The following DOK6 variants were observed in gnomAD, a reference collection of about 807,000 sequenced individuals.
The protein encoded by DOK6 is downstream of tyrosine kinase 6.
Under a neutral mutation model 44.0 loss-of-function variants are expected in DOK6, and 22 were observed. That is an observed-to-expected ratio of 0.50 (90% CI 0.36 to 0.71). The LOEUF (loss-of-function observed/expected upper bound fraction) is 0.71. DOK6 is among the 30% of genes least tolerant of loss of function. DOK6 has a pLI of 0.00. For missense variants in DOK6, 340 were observed against 416.4 expected (o/e 0.82, Z 1.60); for synonymous variants, 166 against 145.5 (o/e 1.14, Z -1.01).
intron 2 of DOK6, among the ~76,000 whole-genome samples, chr18:69,587,495 A>G (rs1323014815): frequency 6.6e-6 from 1 of 152,122 alleles, no homozygotes; most frequent in Non-Finnish European, 1.5e-5. Context: ...TTACATCTAC[A>G]AAGACCCCTT....
intron 1 of DOK6, among the ~76,000 whole-genome samples, chr18:69,417,940 T>C (rs1978383956): frequency 6.6e-6 from 1 of 152,196 alleles, no homozygotes; most frequent in African/African-American, 2.4e-5. Flanking sequence ...GGGTTATTTA[T>C]GTATCCCGTT....
intron 4 of DOK6, among the ~76,000 whole-genome samples, chr18:69,690,304 T>A (rs191503429): frequency 4.6e-5 from 7 of 152,154 alleles, no homozygotes; most frequent in African/African-American, 1.7e-4. Flanking sequence ...TATTTACACA[T>A]AATAATAAAA....
chr18:69,793,518 G>A (rs2145099424), intron 7 of DOK6, among the ~76,000 whole-genome samples: 1 of 152,228 alleles, frequency 6.6e-6, no homozygotes, highest in Non-Finnish European at 1.5e-5. Flanking sequence ...TGTAATTATG[G>A]TTGCATTGAC....
intron 1 of DOK6, among the ~76,000 whole-genome samples, chr18:69,439,233 T>G (rs1979070758): frequency 6.6e-6 from 1 of 152,198 alleles, no homozygotes; most frequent in South Asian, 2.1e-4. Flanking sequence ...TGTAAACAGA[T>G]ATGCTGTCAT....
Position 69,847,773 on chromosome 18 carries a change from A to ATATATATAT in DOK6, c.*6390_*6391insTATATATAT, listed in dbSNP as rs55849071. 5 of 150,630 alleles carry ATATATATAT rather than the reference A, an allele frequency of 3.3e-5. No homozygotes were observed. In the East Asian group the frequency reaches 7.8e-4, roughly 23 times the overall value. The allele number at this position is 150,630 out of a possible 1,614,324, so 9.3% of individuals were successfully genotyped here. A position where few individuals can be genotyped will look rare whatever the true frequency, so the allele number is the denominator to read the frequency against. On this transcript the variant is annotated 3_prime_UTR_variant, in exon 8 of 8. Coordinates refer to ENST00000382713, the MANE Select transcript of DOK6 (RefSeq NM_152721.6). ...AATGCTTACTCTTGTAAAAAAAAAA[A>ATATATATAT]ATATATATATATGTATCAGCAGGTA...
intron 7 of DOK6, among the ~76,000 whole-genome samples, chr18:69,822,079 T>A (rs1428886661): frequency 2.0e-5 from 3 of 152,166 alleles, no homozygotes; most frequent in Non-Finnish European, 4.4e-5. Context: ...AACTATCCAG[T>A]TGGTCACTAT....
chr18:69,466,786 G>A (rs964474873), intron 1 of DOK6, among the ~76,000 whole-genome samples: 2 of 151,754 alleles, frequency 1.3e-5, no homozygotes, highest in African/African-American at 4.8e-5. Flanking sequence ...TAAGAGGGAG[G>A]GAAAGAGGGA....
chr18:69,478,235 T>C (rs1250444825), intron 1 of DOK6, among the ~76,000 whole-genome samples: 3 of 152,180 alleles, frequency 2.0e-5, no homozygotes, highest in African/African-American at 7.2e-5. Context: ...ATGCATAGTT[T>C]AAAAATCAGA....
At chr18:69,425,585 C>T (rs1466880995) in intron 1 of DOK6, among the ~76,000 whole-genome samples, 1 of 151,814 alleles carries the variant, frequency 6.6e-6, no homozygotes, top group Non-Finnish European at 1.5e-5. Flanking sequence ...ATATTTTATT[C>T]ATTGCATCAT....
At chr18:69,440,909 G>A (rs1438468567) in intron 1 of DOK6, among the ~76,000 whole-genome samples, 1 of 152,128 alleles carries the variant, frequency 6.6e-6, no homozygotes, top group Non-Finnish European at 1.5e-5. Flanking sequence ...TACTGAGTGA[G>A]TAGGTAGTGA....
At chr18:69,444,602 TAA>T (rs1979227367) in intron 1 of DOK6, among the ~76,000 whole-genome samples, 2 of 151,428 alleles carry the variant, frequency 1.3e-5, no homozygotes, top group Non-Finnish European at 2.9e-5. Context: ...TTAATTTATA[TAA>T]GTTATTATTG....
At chr18:69,757,303 C>T (rs1433405322) in intron 6 of DOK6, among the ~76,000 whole-genome samples, 1 of 152,224 alleles carries the variant, frequency 6.6e-6, no homozygotes, top group Non-Finnish European at 1.5e-5. Context: ...AAAATAATAA[C>T]GGGTATTCTG....
chr18:69,454,840 A>G (rs1486563783), intron 1 of DOK6, among the ~76,000 whole-genome samples: 4 of 144,664 alleles, frequency 2.8e-5, no homozygotes, highest in Non-Finnish European at 6.0e-5. Context: ...ATTCTCACTC[A>G]TAGGTGGGAA....
chr18:69,592,602 G>A (rs908713331), intron 2 of DOK6, among the ~76,000 whole-genome samples: 3 of 151,950 alleles, frequency 2.0e-5, no homozygotes, highest in Non-Finnish European at 4.4e-5. Flanking sequence ...TTTCATCATG[G>A]AACGTATTGA....
chr18:69,525,197 G>A (rs1211944207), intron 1 of DOK6, among the ~76,000 whole-genome samples: 1 of 151,626 alleles, frequency 6.6e-6, no homozygotes, highest in East Asian at 1.9e-4. Context: ...TTATACTTCA[G>A]ATTTTTTCTT....
At chr18:69,601,089 T>C (rs988605612) in intron 3 of DOK6, among the ~76,000 whole-genome samples, 1 of 152,236 alleles carries the variant, frequency 6.6e-6, no homozygotes, top group African/African-American at 2.4e-5. Context: ...GCTTACAAGA[T>C]TCTGCCTTTT....
chr18:69,495,995 T>C (rs1980875877), intron 1 of DOK6, among the ~76,000 whole-genome samples: 1 of 152,192 alleles, frequency 6.6e-6, no homozygotes, highest in Non-Finnish European at 1.5e-5. Context: ...CAGACACTTC[T>C]GAAACTTGCG....
chr18:69,587,978 C>A (rs1016530088), intron 2 of DOK6, among the ~76,000 whole-genome samples: 49 of 152,242 alleles, frequency 3.2e-4, no homozygotes, highest in African/African-American at 1.1e-3. Context: ...CAATTTGAGT[C>A]TCTTTTATAG....
At chr18:69,640,744 C>G (rs559473287) in intron 3 of DOK6, among the ~76,000 whole-genome samples, 1 of 152,202 alleles carries the variant, frequency 6.6e-6, no homozygotes, top group South Asian at 2.1e-4. Flanking sequence ...TTTCCAAGAC[C>G]ATATAAGGAA....
Sources: allele counts gnomAD v4.1 joint callset (sites outside exome capture counted in the v4.1 genomes callset), GRCh38; gene constraint gnomAD v4.1.1; transcripts MANE v1.5; gene names NCBI Gene and HGNC (gene_info 2026-07-23, HGNC 2026-07-21).